Variants in GLIS1 observed in about 807,000 individuals in gnomAD.
GLIS1 encodes the protein GLIS family zinc finger 1, also known as zinc finger protein GLIS1.
In GLIS1, 24 loss-of-function variants were observed where a neutral mutation model predicts 63.8. That is an observed-to-expected ratio of 0.38 (90% CI 0.27 to 0.53). GLIS1 has a LOEUF of 0.53. Among genes scored for constraint, GLIS1 ranks in the 20% least tolerant of loss-of-function variants. GLIS1 has a pLI of 0.85. For missense variants in GLIS1, 1,036 were observed against 1,074.1 expected, an observed-to-expected ratio of 0.96 and a Z score of 0.50; for synonymous variants, 450 against 482.5, an observed-to-expected ratio of 0.93 and a Z score of 0.88.
At chr1:53,604,325 C>T (rs925789539) in intron 2 of GLIS1, among the ~76,000 whole-genome samples, 3 of 152,210 alleles carry the variant, frequency 2.0e-5, no homozygotes, top group African/African-American at 7.2e-5. Flanking sequence ...TAAACGAGGT[C>T]ACAGCCAACA....
chr1:53,618,173 C>A (rs1025779626), intron 2 of GLIS1, among the ~76,000 whole-genome samples: 5 of 152,238 alleles, frequency 3.3e-5, no homozygotes, highest in South Asian at 2.1e-4. Context: ...GGTTTGAGAA[C>A]CTGAGACGGA....
intron 2 of GLIS1, among the ~76,000 whole-genome samples, chr1:53,602,465 G>A (rs563435105): frequency 3.3e-5 from 5 of 152,198 alleles, no homozygotes; most frequent in South Asian, 2.1e-4. Context: ...GGTCTCTAAC[G>A]GGGGTGCCGT....
intron 4 of GLIS1, among the ~76,000 whole-genome samples, chr1:53,592,859 T>TG (rs1375197475): frequency 1.3e-5 from 2 of 152,258 alleles, no homozygotes; most frequent in African/African-American, 4.8e-5. Flanking sequence ...CTCCTGAAGC[T>TG]GCAGAAGCAG....
chr1:53,566,765 G>A (rs547873005), intron 4 of GLIS1, among the ~76,000 whole-genome samples: 1 of 152,272 alleles, frequency 6.6e-6, no homozygotes, highest in Admixed American at 6.5e-5. Context: ...CTCCACCATG[G>A]TAAGACATGC....
intron 2 of GLIS1, among the ~76,000 whole-genome samples, chr1:53,729,316 G>A (rs1342941326): frequency 6.6e-6 from 1 of 152,154 alleles, no homozygotes; most frequent in Non-Finnish European, 1.5e-5. Context: ...AGAAGAGCCT[G>A]CCTCAACGAG....
chr1:53,695,470 C>T (rs1284927659), intron 2 of GLIS1, among the ~76,000 whole-genome samples: 1 of 152,236 alleles, frequency 6.6e-6, no homozygotes, highest in African/African-American at 2.4e-5. Context: ...ACTTGTCTGT[C>T]CTCAGCCAGC....
chr1:53,528,889 C>A (rs494176), intron 5 of GLIS1, among the ~76,000 whole-genome samples: 5 of 152,006 alleles, frequency 3.3e-5, no homozygotes, highest in African/African-American at 4.8e-5. Context: ...CTGCTGCAGA[C>A]CCCAGTCTCC....
chr1:53,559,464 C>G (rs1444954777), intron 4 of GLIS1, among the ~76,000 whole-genome samples: 1 of 152,178 alleles, frequency 6.6e-6, no homozygotes, highest in African/African-American at 2.4e-5. Flanking sequence ...CCCTCGTGCC[C>G]ATCCTTCCGA....
chr1:53,610,164 T>G (rs1158351106), intron 2 of GLIS1, among the ~76,000 whole-genome samples: 1 of 152,258 alleles, frequency 6.6e-6, no homozygotes, highest in Non-Finnish European at 1.5e-5. Flanking sequence ...ATATTTCAAT[T>G]CTACATATAT....
chr1:53,580,717 C>T (rs1329391621), intron 4 of GLIS1, among the ~76,000 whole-genome samples: 1 of 151,982 alleles, frequency 6.6e-6, no homozygotes, highest in African/African-American at 2.4e-5. Flanking sequence ...AAGCCTTAGT[C>T]TGGCATATGG....
In GLIS1 at chr1:53,511,925, G is replaced by A. The variant is rs952876735; in HGVS notation, c.1884-1898C>T. Among the ~76,000 whole-genome samples, 4 of 152,178 alleles carry A rather than the reference G, an allele frequency of 2.6e-5. No individual in the cohort carries two copies. The highest frequency in any genetic ancestry group is 6.5e-5 in the Admixed American group (1 of 15,290). ...GGAGGGCCAGGTCTTGGCCCTTCTC[G>A]GTCACCCGGTGCCCAGCGCTGGGCA... On this transcript the variant is annotated intron_variant, in intron 8 of 10. Coordinates refer to ENST00000628545, the MANE Select transcript of GLIS1 (RefSeq NM_001367484.1). The surrounding 1 kb of genome is among the most constrained non-coding windows in gnomAD (Gnocchi z 4.2).
At chr1:53,700,942 G>A (rs1047738328) in intron 2 of GLIS1, among the ~76,000 whole-genome samples, 1 of 152,246 alleles carries the variant, frequency 6.6e-6, no homozygotes. Context: ...GTTGTAAGAT[G>A]TCAGTACTTC....
intron 2 of GLIS1, among the ~76,000 whole-genome samples, chr1:53,726,615 C>T (rs987269686): frequency 6.6e-6 from 1 of 152,102 alleles, no homozygotes; most frequent in Non-Finnish European, 1.5e-5. Context: ...AACCCTCATC[C>T]TACTGGACAC....
intron 4 of GLIS1, among the ~76,000 whole-genome samples, chr1:53,549,321 T>C (rs549661541): frequency 3.9e-5 from 6 of 152,256 alleles, no homozygotes; most frequent in South Asian, 2.1e-4. Flanking sequence ...TGATGGATCA[T>C]ATGTTAACCA....
chr1:53,587,835 T>C (rs576817363), intron 4 of GLIS1, among the ~76,000 whole-genome samples: 50 of 152,354 alleles, frequency 3.3e-4, no homozygotes, highest in African/African-American at 1.2e-3. Flanking sequence ...GCTTGCTGAA[T>C]GAGTTTCAGA....
intron 2 of GLIS1, among the ~76,000 whole-genome samples, chr1:53,679,209 C>T (rs1208830580): frequency 3.9e-5 from 6 of 152,286 alleles, no homozygotes; most frequent in Admixed American, 6.5e-5. Context: ...CGAGGGGGAA[C>T]GGGCAGGAGA....
intron 7 of GLIS1, among the ~76,000 whole-genome samples, chr1:53,517,259 G>A (rs1174943911): frequency 2.0e-5 from 3 of 152,108 alleles, no homozygotes; most frequent in African/African-American, 7.2e-5. Context: ...CATCACTGCT[G>A]GCTGCTGTGA....
intron 4 of GLIS1, among the ~76,000 whole-genome samples, chr1:53,559,898 C>T (rs1049495222): frequency 6.6e-6 from 1 of 152,106 alleles, no homozygotes; most frequent in African/African-American, 2.4e-5. Context: ...AGTCTCTCAC[C>T]TGTACACATA....
intron 2 of GLIS1, among the ~76,000 whole-genome samples, chr1:53,711,242 C>T (rs938087113): frequency 1.3e-5 from 2 of 152,152 alleles, no homozygotes; most frequent in African/African-American, 2.4e-5. Flanking sequence ...CCACACCAAG[C>T]GCTTGGTGAT....
Sources: allele counts gnomAD v4.1 joint callset (sites outside exome capture counted in the v4.1 genomes callset), GRCh38; gene constraint gnomAD v4.1.1; non-coding constraint Gnocchi (gnomAD v3.1); transcripts MANE v1.5; gene names NCBI Gene and HGNC (gene_info 2026-07-23, HGNC 2026-07-21).